THUMPD2: variants seen among roughly 807,000 people sequenced by gnomAD.
THUMPD2 encodes the protein THUMP domain 2 tRNA and snRNA guanosine methyltransferase, also known as U6 snRNA (guanine-N(2))-methyltransferase THUMPD2.
In THUMPD2, 56 loss-of-function variants were observed where a neutral mutation model predicts 49.4. That is an observed-to-expected ratio of 1.13 (90% CI 0.91 to 1.41). THUMPD2 has a LOEUF of 1.41. Ranked by LOEUF, THUMPD2 falls within the 40% of genes most tolerant of loss-of-function variation. The pLI, the probability that THUMPD2 is intolerant of heterozygous loss-of-function variation, is 0.00. For missense variants in THUMPD2, 709 were observed against 594.5 expected (o/e 1.19, Z -2.00); for synonymous variants, 237 against 205.2 (o/e 1.15, Z -1.32).
At chr2:39,746,198 G>A (rs1674569087) in intron 8 of THUMPD2, among the ~76,000 whole-genome samples, 1 of 152,142 alleles carries the variant, frequency 6.6e-6, no homozygotes, top group South Asian at 2.1e-4. Flanking sequence ...AAAAAGCTTT[G>A]CAGAACACAG....
intron 1 of THUMPD2, among the ~76,000 whole-genome samples, chr2:39,775,917 G>A (rs1679034990): frequency 6.6e-6 from 1 of 151,982 alleles, no homozygotes; most frequent in Non-Finnish European, 1.5e-5. Flanking sequence ...CGACTGTGAT[G>A]CCACCATTAA....
intron 8 of THUMPD2, among the ~76,000 whole-genome samples, chr2:39,749,156 C>T (rs1675042028): frequency 6.6e-6 from 1 of 152,018 alleles, no homozygotes; most frequent in Admixed American, 6.5e-5. Flanking sequence ...GATGTTGTGG[C>T]CCACCAAAGT....
At chr2:39,738,006 C>CA (rs1673358323) in intron 9 of THUMPD2, among the ~76,000 whole-genome samples, 1 of 152,122 alleles carries the variant, frequency 6.6e-6, no homozygotes, top group South Asian at 2.1e-4. Flanking sequence ...GAGCTGGATA[C>CA]ACAGCCTGGA....
At position 39,779,169 on chromosome 2, in the gene THUMPD2, C is replaced by A; in HGVS notation, c.71G>T (p.Arg24Leu). Residue 24 changes from arginine to leucine, a missense_variant, in exon 1 of 10, where the codon CGC becomes CTC. Coordinates refer to ENST00000505747, the MANE Select transcript of THUMPD2 (RefSeq NM_025264.5). The part of the protein sequence containing the change: ...AGARFFCTAG[R>L]GLEPFVMREV... ...TCGCATTACGAACGGCTCCAGGCCG[C>A]GACCCGCAGTGCAGAAGAATCGGGC... The A allele has an allele frequency of 6.6e-7, 1 of 1,520,592 alleles. No individual in the cohort carries two copies. 94.2% of individuals were successfully genotyped at this position (1,520,592 alleles called of 1,614,324 possible).
At chr2:39,753,063 T>C (rs766576299) in intron 8 of THUMPD2, among the ~76,000 whole-genome samples, 1 of 152,148 alleles carries the variant, frequency 6.6e-6, no homozygotes, top group Non-Finnish European at 1.5e-5. Flanking sequence ...TTTAGTGAGA[T>C]CAAACATTCT....
chr2:39,756,019 G>C, intron 6 of THUMPD2, 59 bp from the exon 7 acceptor site: 1 of 1,475,814 alleles, frequency 6.8e-7, no homozygotes, highest in Non-Finnish European at 9.4e-7. Context: ...TACTATAAAA[G>C]AAACCTAAAA....
At chr2:39,752,355 T>C (rs1447955586) in intron 8 of THUMPD2, among the ~76,000 whole-genome samples, 1 of 152,230 alleles carries the variant, frequency 6.6e-6, no homozygotes, top group Non-Finnish European at 1.5e-5. Flanking sequence ...AGCTAGGATT[T>C]ATACTTGGTG....
At position 39,765,453 on chromosome 2, in the gene THUMPD2, C is replaced by T. The variant is rs540437351; in HGVS notation, c.803+604G>A. Among the ~76,000 whole-genome samples, 5 of 151,916 alleles carry T rather than the reference C, an allele frequency of 3.3e-5. No individual in the cohort carries two copies. The East Asian group carries it at 5.8e-4, about 18-fold the overall frequency. ...GATTACAGGTGTGAGCCACCGCGCC[C>T]GGTCCCTAAGTAAATTTTTTAGATA... On this transcript the variant is annotated intron_variant, in intron 5 of 9. Coordinates refer to ENST00000505747, the MANE Select transcript of THUMPD2 (RefSeq NM_025264.5).
intron 4 of THUMPD2, 124 bp downstream of exon 4, chr2:39,768,300 T>C (rs1677826399): frequency 5.1e-6 from 4 of 781,868 alleles, no homozygotes; most frequent in African/African-American, 1.8e-5. Flanking sequence ...AAATGGACTG[T>C]TGGATCCCTG....
chr2:39,750,359 G>C (rs1016949543), intron 8 of THUMPD2, among the ~76,000 whole-genome samples: 51 of 152,278 alleles, frequency 3.3e-4, no homozygotes, highest in African/African-American at 1.2e-3. Flanking sequence ...GTGATGTTGA[G>C]CTTTTCTTTG....
intron 8 of THUMPD2, among the ~76,000 whole-genome samples, chr2:39,753,883 C>T (rs948728943): frequency 6.6e-6 from 1 of 152,206 alleles, no homozygotes; most frequent in Non-Finnish European, 1.5e-5. Context: ...GTCCTTCCCT[C>T]ACTAAAGTCT....
chr2:39,758,153 A>T (rs2148278879), intron 6 of THUMPD2, among the ~76,000 whole-genome samples: 1 of 152,342 alleles, frequency 6.6e-6, no homozygotes, highest in African/African-American at 2.4e-5. Flanking sequence ...AAACAAAGGT[A>T]ACATTTCAAA....
At chr2:39,768,113 T>C (rs937702284) in intron 4 of THUMPD2, among the ~76,000 whole-genome samples, 1 of 152,170 alleles carries the variant, frequency 6.6e-6, no homozygotes, top group Non-Finnish European at 1.5e-5. Flanking sequence ...AAATCACAGA[T>C]TGTGTGTATT....
chr2:39,745,381 T>C (rs542378277), intron 8 of THUMPD2, among the ~76,000 whole-genome samples: 13 of 152,298 alleles, frequency 8.5e-5, no homozygotes, highest in African/African-American at 3.1e-4. Flanking sequence ...GTGGGGTTAA[T>C]AGAAGAAGAG....
At chr2:39,738,349 G>A (rs902534115) in intron 9 of THUMPD2, among the ~76,000 whole-genome samples, 1 of 152,114 alleles carries the variant, frequency 6.6e-6, no homozygotes, top group African/African-American at 2.4e-5. Flanking sequence ...GATCGCTTGA[G>A]CACAGGAGTT....
At position 39,768,482 on chromosome 2, in the gene THUMPD2, C is replaced by G; in HGVS notation, c.692G>C (p.Gly231Ala). The change falls in exon 4 of 10, where the codon GGA becomes GCA. Residue 231 changes from glycine to alanine, a missense_variant. By Grantham distance (60) the Gly-to-Ala change is moderately conservative. Coordinates refer to ENST00000505747, the MANE Select transcript of THUMPD2 (RefSeq NM_025264.5). The part of the protein sequence containing the change: ...FTAQEVGKVI[G>A]IAIMKHFGWK... ...TCCAAAGTGTTTCATAATAGCAATT[C>G]CAATTACTTTTCCTACCTCCTGGAA... 6.2e-7 allele frequency: 1 copy of G among 1,612,284 alleles called. No individual in the cohort carries two copies. The highest frequency in any genetic ancestry group is 1.3e-5 in the African/African-American group (1 of 74,912).
intron 8 of THUMPD2, among the ~76,000 whole-genome samples, chr2:39,753,075 T>C (rs751761852): frequency 6.6e-6 from 1 of 152,144 alleles, no homozygotes; most frequent in African/African-American, 2.4e-5. Flanking sequence ...AAACATTCTA[T>C]ATACAAAAAA....
At chr2:39,744,008 T>C (rs947515445) in intron 9 of THUMPD2, among the ~76,000 whole-genome samples, 1 of 151,556 alleles carries the variant, frequency 6.6e-6, no homozygotes, top group Non-Finnish European at 1.5e-5. Context: ...GATTCTCATC[T>C]GTTAAGTGTG....
At position 39,736,748 on chromosome 2, in the gene THUMPD2, G is replaced by T. The variant is rs745724422; in HGVS notation, c.1499C>A (p.Ser500Tyr). 4 of 1,613,720 alleles carry T rather than the reference G, an allele frequency of 2.5e-6. No homozygotes were observed. Among genetic ancestry groups the T allele is most frequent in the Non-Finnish European group, 3.4e-6 (4 of 1,179,794 alleles). ...AFICKYKKSH[S>Y]SGL ...GCAGCAAGCCTGCTACAGTCCAGAA[G>T]AGTGCGACTTCTTATATTTACATAT... Residue 500 changes from serine (S) to tyrosine (Y), a missense_variant, in exon 10 of 10, where the codon TCT (serine) becomes TAT (tyrosine). Transcript: ENST00000505747.
Sources: allele counts gnomAD v4.1 joint callset (sites outside exome capture counted in the v4.1 genomes callset), GRCh38; gene constraint gnomAD v4.1.1; transcripts MANE v1.5; gene names NCBI Gene and HGNC (gene_info 2026-07-23, HGNC 2026-07-21).